Variants in MMP16 observed in about 807,000 individuals in gnomAD.
MMP16 encodes matrix metallopeptidase 16, also known as matrix metalloproteinase-16.
In MMP16, 12 loss-of-function variants were observed where a neutral mutation model predicts 67.8. The observed-to-expected ratio is 0.18, with a 90% CI of 0.11 to 0.29. MMP16 has a LOEUF of 0.29. Ranked by LOEUF, MMP16 falls within the 10% of genes least tolerant of loss-of-function variation. The pLI is 1.00. For synonymous variants in MMP16, 249 were observed against 255.9 expected, an observed-to-expected ratio of 0.97 and a Z score of 0.26; for missense variants, 475 against 765.7, an observed-to-expected ratio of 0.62 and a Z score of 4.48.
intron 7 of MMP16, among the ~76,000 whole-genome samples, chr8:88,059,481 T>C (rs1002562353): frequency 1.3e-5 from 2 of 152,180 alleles, no homozygotes; most frequent in African/African-American, 2.4e-5. Flanking sequence ...TGAACTCATC[T>C]GAATACCTTT....
intron 8 of MMP16, 41 bp downstream of exon 8, chr8:88,056,087 T>C: frequency 7.2e-7 from 1 of 1,379,826 alleles, no homozygotes; most frequent in Non-Finnish European, 9.5e-7. Flanking sequence ...TTCTAAACAT[T>C]GGTTAATTAA....
At chr8:88,274,847 CA>C (rs1482934398) in intron 1 of MMP16, among the ~76,000 whole-genome samples, 1 of 151,852 alleles carries the variant, frequency 6.6e-6, no homozygotes, top group Non-Finnish European at 1.5e-5. Flanking sequence ...ACATCACTAC[CA>C]AGAACATTCC....
chr8:88,109,249 T>C (rs943656568), intron 6 of MMP16, among the ~76,000 whole-genome samples: 1 of 151,364 alleles, frequency 6.6e-6, no homozygotes, highest in African/African-American at 2.4e-5. Flanking sequence ...TTCTGTGGTT[T>C]AGGGAGTCTT....
intron 6 of MMP16, among the ~76,000 whole-genome samples, chr8:88,106,668 A>T (rs532612668): frequency 1.0e-3 from 152 of 151,286 alleles, no homozygotes; most frequent in African/African-American, 3.3e-3. Context: ...TAATGAATTT[A>T]AAAAAAACTC....
At chr8:88,162,957 G>A (rs766816403) in intron 4 of MMP16, among the ~76,000 whole-genome samples, 2 of 152,016 alleles carry the variant, frequency 1.3e-5, no homozygotes, top group Non-Finnish European at 2.9e-5. Context: ...ATATCAGTGT[G>A]AGAACAGACT....
At chr8:88,134,467 T>C (rs955954046) in intron 4 of MMP16, among the ~76,000 whole-genome samples, 7 of 151,756 alleles carry the variant, frequency 4.6e-5, no homozygotes, top group African/African-American at 7.2e-5. Flanking sequence ...GAGAAGTACC[T>C]GTATTTTCTA....
chr8:88,321,945 A>G (rs1811466345), intron 1 of MMP16, among the ~76,000 whole-genome samples: 1 of 152,172 alleles, frequency 6.6e-6, no homozygotes. Flanking sequence ...TGCCATTCCC[A>G]ATGTTATATG....
chr8:88,088,475 G>A (rs568738646), intron 6 of MMP16, among the ~76,000 whole-genome samples: 4 of 152,110 alleles, frequency 2.6e-5, no homozygotes, highest in Admixed American at 6.6e-5. Context: ...GGCTGAATGA[G>A]AGATTTGCTC....
At position 88,033,310 on chromosome 8, in the gene MMP16, G is replaced by A. The variant is rs1586113631; in HGVS notation, c.*8151C>T. 2 of 140,170 alleles carry A rather than the reference G, an allele frequency of 1.4e-5. No homozygotes were observed. Among genetic ancestry groups the A allele is most frequent in the African/African-American group, 2.7e-5 (1 of 37,680 alleles). The allele number at this position is 140,170 out of a possible 1,614,324, so 8.7% of individuals were successfully genotyped here. ...ATCTAGTAAATATATATATATATATGTATCATATATACTATATATTCCTAA... is the reference window on the plus strand; with the variant it reads ...ATCTAGTAAATATATATATATATATATATCATATATACTATATATTCCTAA... On this transcript the variant is annotated 3_prime_UTR_variant, in exon 10 of 10. Transcript: ENST00000286614.
At chr8:88,066,206 C>T (rs1808461379) in intron 7 of MMP16, among the ~76,000 whole-genome samples, 2 of 152,118 alleles carry the variant, frequency 1.3e-5, no homozygotes, top group South Asian at 4.1e-4. Context: ...ATTGCACCAG[C>T]TCAATTTTTA....
chr8:88,175,205 C>T (rs956156423), intron 3 of MMP16, among the ~76,000 whole-genome samples: 2 of 152,046 alleles, frequency 1.3e-5, no homozygotes, highest in African/African-American at 2.4e-5. Context: ...CAAAGTAATC[C>T]GGTCATTTTA....
chr8:88,230,217 T>C (rs893744158), intron 1 of MMP16, among the ~76,000 whole-genome samples: 1 of 152,066 alleles, frequency 6.6e-6, no homozygotes, highest in Non-Finnish European at 1.5e-5. Flanking sequence ...CGGTTTCTCA[T>C]TCACGAGATG....
chr8:88,212,708 T>C (rs1200714014), intron 1 of MMP16, among the ~76,000 whole-genome samples: 1 of 152,104 alleles, frequency 6.6e-6, no homozygotes, highest in Non-Finnish European at 1.5e-5. Flanking sequence ...CCACCATAAA[T>C]CCTGTTTTCT....
chr8:88,093,566 G>A (rs1808975477), intron 6 of MMP16, among the ~76,000 whole-genome samples: 1 of 151,708 alleles, frequency 6.6e-6, no homozygotes, highest in African/African-American at 2.4e-5. Flanking sequence ...AAAATAGAAA[G>A]CAATTCTGAT....
chr8:88,069,376 A>G, intron 7 of MMP16: 1 of 473,832 alleles, frequency 2.1e-6, no homozygotes. Flanking sequence ...CTTTGTTAGT[A>G]TGTGATGGAA....
At chr8:88,214,824 C>G (rs1462457530) in intron 1 of MMP16, among the ~76,000 whole-genome samples, 1 of 152,092 alleles carries the variant, frequency 6.6e-6, no homozygotes, top group Non-Finnish European at 1.5e-5. Context: ...CCTAACATGT[C>G]CCCCATCTCT....
chr8:88,144,118 T>C lies in MMP16; in HGVS notation c.709+23551A>G, dbSNP rs180839079. Among the ~76,000 whole-genome samples, 449 of 152,112 alleles carry C rather than the reference T, an allele frequency of 3.0e-3. 2 individuals carry two copies. The highest frequency in any genetic ancestry group is 0.01 in the African/African-American group (422 of 41,572). On this transcript the variant is annotated intron_variant, in intron 4 of 9. Transcript: ENST00000286614. ...AAACTTTCACTTTAAACAGGGGCTATTGACTCTGGTTTAATGTATAATCAT... is the reference window on the plus strand; with the variant it reads ...AAACTTTCACTTTAAACAGGGGCTACTGACTCTGGTTTAATGTATAATCAT...
intron 4 of MMP16, among the ~76,000 whole-genome samples, chr8:88,130,214 G>A (rs79943357): frequency 0.019 from 2,862 of 151,738 alleles, 78 homozygotes; most frequent in African/African-American, 0.065. Context: ...CAAAATTAGC[G>A]AGGATTAACT....
At chr8:88,134,989 A>C (rs1808094491) in intron 4 of MMP16, among the ~76,000 whole-genome samples, 1 of 151,680 alleles carries the variant, frequency 6.6e-6, no homozygotes, top group Non-Finnish European at 1.5e-5. Context: ...AAAAAGGATA[A>C]GAAATAAATC....
Sources: gnomAD v4.1 joint callset for allele counts (sites outside exome capture counted in the v4.1 genomes callset) on GRCh38, gnomAD v4.1.1 for gene constraint, MANE v1.5 for transcripts, NCBI Gene and HGNC (gene_info 2026-07-23, HGNC 2026-07-21) for gene names.